Variants in SYTL3 observed in about 807,000 individuals in gnomAD.
The protein encoded by SYTL3 is synaptotagmin-like protein 3.
Under a neutral mutation model 82.1 loss-of-function variants are expected in SYTL3, and 88 were observed. The ratio of observed to expected loss-of-function variants is 1.07; its 90% confidence interval spans 0.90 to 1.28. SYTL3 has a LOEUF of 1.28. Ranked by LOEUF, SYTL3 falls within the 50% of genes most tolerant of loss-of-function variation. The pLI is 0.00. For missense variants in SYTL3, 831 were observed against 757.6 expected, an observed-to-expected ratio of 1.10 and a Z score of -1.14; for synonymous variants, 311 against 289.4, an observed-to-expected ratio of 1.07 and a Z score of -0.76.
intron 5 of SYTL3, among the ~76,000 whole-genome samples, chr6:158,680,217 C>T (rs1255257707): frequency 6.6e-6 from 1 of 152,120 alleles, no homozygotes; most frequent in Non-Finnish European, 1.5e-5. Context: ...CCCATGACTC[C>T]CTCTGGACTT....
chr6:158,671,870 T>C (rs1267257646), intron 5 of SYTL3, among the ~76,000 whole-genome samples: 2 of 152,224 alleles, frequency 1.3e-5, no homozygotes, highest in Non-Finnish European at 2.9e-5. Context: ...TGTTTTCTGA[T>C]TATATTTACA....
rs1291755243 is a variant in SYTL3 at position 158,730,951 on chromosome 6, TA to T, written c.855+5315del. Among the ~76,000 whole-genome samples the T allele has an allele frequency of 2.2e-4, 34 of 152,212 alleles. No homozygotes were observed. In the East Asian group the frequency reaches 5.2e-3, roughly 23 times the overall value. On this transcript the variant is annotated intron_variant, in intron 11 of 17. Coordinates refer to ENST00000611299, the MANE Select transcript of SYTL3 (RefSeq NM_001242394.2). ...TTAAAAAGAGGTGAAAAGTCCCCATTAGGGGGGAGATTAAACATCACACAAA... is the reference window on the plus strand; with the variant it reads ...TTAAAAAGAGGTGAAAAGTCCCCATTGGGGGGAGATTAAACATCACACAAA...
intron 11 of SYTL3, among the ~76,000 whole-genome samples, chr6:158,727,669 G>A (rs1307177993): frequency 7.2e-6 from 1 of 138,962 alleles, no homozygotes; most frequent in East Asian, 2.0e-4. Flanking sequence ...GTTCTCATGT[G>A]CGTGTCTCAT....
intron 9 of SYTL3, among the ~76,000 whole-genome samples, chr6:158,715,474 G>C (rs1392593942): frequency 1.3e-5 from 2 of 152,092 alleles, no homozygotes; most frequent in South Asian, 4.1e-4. Flanking sequence ...TTGAGCACTT[G>C]AGGCTAACCA....
chr6:158,667,954 T>C (rs1790280433), intron 5 of SYTL3, among the ~76,000 whole-genome samples: 1 of 152,118 alleles, frequency 6.6e-6, no homozygotes, highest in African/African-American at 2.4e-5. Flanking sequence ...GCAGGCTGAG[T>C]GGCTCAAGAC....
Position 158,707,277 on chromosome 6 carries a change from C to T in SYTL3, c.442C>T (p.Leu148=), listed in dbSNP as rs1323564764. 1 of 1,613,828 alleles carries T rather than the reference C, an allele frequency of 6.2e-7. No homozygotes were observed. The highest frequency in any genetic ancestry group is 8.5e-7 in the Non-Finnish European group (1 of 1,180,046). ...GGQLLQSYQK[L]SKISVVPPTP... ...GCAGCTCTTGCAATCTTATCAGAAG[C>T]TGAGGTGAGTGTTACAAAGGACAGA... Residue 148 remains leucine (L), a synonymous_variant, in exon 7 of 18, where the codon CTG becomes TTG. Coordinates refer to ENST00000611299, the MANE Select transcript of SYTL3 (RefSeq NM_001242394.2).
intron 6 of SYTL3, among the ~76,000 whole-genome samples, chr6:158,691,432 A>G (rs978847054): frequency 6.6e-6 from 1 of 152,184 alleles, no homozygotes; most frequent in Non-Finnish European, 1.5e-5. Flanking sequence ...TTAGTAAACA[A>G]TTATGATAGA....
rs146391163 is a variant in SYTL3 at position 158,680,106 on chromosome 6, C to T, written c.330-2819C>T. Reference sequence around the variant, plus strand: ...CTTTGGATTTGCTTTCTGTCCCCTCCTCTAAGGATTAGACCTTGTTCTGTT... The same window carrying T: ...CTTTGGATTTGCTTTCTGTCCCCTCTTCTAAGGATTAGACCTTGTTCTGTT... On this transcript the variant is annotated intron_variant, in intron 5 of 17. Coordinates refer to ENST00000611299, the MANE Select transcript of SYTL3 (RefSeq NM_001242394.2). Among the ~76,000 whole-genome samples, 17 of 152,308 alleles carry T rather than the reference C, an allele frequency of 1.1e-4. No homozygotes were observed. The East Asian group carries it at 3.3e-3, about 29-fold the overall frequency.
intron 6 of SYTL3, among the ~76,000 whole-genome samples, chr6:158,702,548 A>G (rs1480730940): frequency 6.6e-6 from 1 of 150,848 alleles, no homozygotes; most frequent in Non-Finnish European, 1.5e-5. Context: ...TCTCAAAAAC[A>G]AGAGGGGGGG....
intron 5 of SYTL3, among the ~76,000 whole-genome samples, chr6:158,679,520 G>A (rs1778419380): frequency 6.6e-6 from 1 of 152,162 alleles, no homozygotes; most frequent in Non-Finnish European, 1.5e-5. Context: ...AGTCTCAAAT[G>A]CAAAAAGTGC....
rs564257354 is a variant in SYTL3 at position 158,683,368 on chromosome 6, G to T, written c.394+379G>T. On this transcript the variant is annotated intron_variant, in intron 6 of 17. Transcript: ENST00000611299. ...CCGGAGTACCTGGGATTACAGGCAC[G>T]TGCCACCACAGTCGGCTAATTTTTC... Among the ~76,000 whole-genome samples the T allele has an allele frequency of 3.3e-5, 5 of 152,162 alleles. 1 individual carries two copies. In the South Asian group the frequency reaches 1.0e-3, roughly 32 times the overall value.
intron 6 of SYTL3, among the ~76,000 whole-genome samples, chr6:158,690,949 G>A (rs1779799256): frequency 6.6e-6 from 1 of 152,088 alleles, no homozygotes; most frequent in African/African-American, 2.4e-5. Context: ...TTTTAATGTG[G>A]TTCCTGGACC....
chr6:158,666,873 C>T (rs745954347), intron 5 of SYTL3, among the ~76,000 whole-genome samples: 1 of 152,222 alleles, frequency 6.6e-6, no homozygotes, highest in African/African-American at 2.4e-5. Flanking sequence ...AACTGCATTC[C>T]GTCCATTTCG....
At chr6:158,720,482 G>A (rs1371257516) in intron 10 of SYTL3, among the ~76,000 whole-genome samples, 5 of 151,082 alleles carry the variant, frequency 3.3e-5, no homozygotes, top group Non-Finnish European at 7.4e-5. Flanking sequence ...GTGAATGAGA[G>A]ATGGAGCCAG....
In SYTL3 at chr6:158,713,887, A is replaced by G. The variant is rs537192149; in HGVS notation, c.595+9A>G. ...TGCTACCCACGTGAAAAGTAAGTGC[A>G]TGCTTCATGATGTGTTTTCCCACTA... On this transcript the variant is annotated intron_variant, in intron 9 of 17. Transcript: ENST00000611299. 6.5e-7 allele frequency: 1 copy of G among 1,543,208 alleles called. No homozygotes were observed. The highest frequency in any genetic ancestry group is 1.2e-5 in the South Asian group (1 of 83,906).
chr6:158,757,714 C>T lies in SYTL3; in HGVS notation c.1308+333C>T, dbSNP rs573399455. Among the ~76,000 whole-genome samples the T allele has an allele frequency of 1.9e-4, 29 of 152,340 alleles. 1 individual carries two copies. The East Asian group carries it at 3.9e-3, about 20-fold the overall frequency. ...CTGCTGGAAGCTGGCCATGCCTTTC[C>T]CTGGGGGCACCGCCCGCAGCTATGC... On this transcript the variant is annotated intron_variant, in intron 14 of 17. Coordinates refer to ENST00000611299, the MANE Select transcript of SYTL3 (RefSeq NM_001242394.2).
intron 9 of SYTL3, among the ~76,000 whole-genome samples, chr6:158,715,599 T>TCTCACACACACACACACACACA (rs1783276356): frequency 4.3e-5 from 5 of 116,442 alleles, no homozygotes; most frequent in Non-Finnish European, 8.8e-5. Flanking sequence ...TGAAACCGCA[T>TCTCACACACACACACACACACA]CACACACACA....
At chr6:158,691,614 A>C (rs1779874436) in intron 6 of SYTL3, among the ~76,000 whole-genome samples, 1 of 152,068 alleles carries the variant, frequency 6.6e-6, no homozygotes, top group South Asian at 2.1e-4. Flanking sequence ...CTTGATGTAC[A>C]AGCTTAAAAG....
chr6:158,739,994 CT>C lies in SYTL3; in HGVS notation c.856-5466del, dbSNP rs35026438. On this transcript the variant is annotated intron_variant, in intron 11 of 17. Transcript: ENST00000611299. ...GTTGCCTTACTTTTTAGGCAACTTA[CT>C]TTTTTTTTTTTTTTTTTTTGAGTTG... 5.3e-4 allele frequency among the ~76,000 whole-genome samples: 56 copies of C among 105,562 alleles called. 1 individual carries two copies. Among genetic ancestry groups the C allele is most frequent in the Admixed American group, 7.4e-4 (7 of 9,452 alleles). The allele number at this position is 105,562 out of a possible 152,430, so 69.3% of individuals were successfully genotyped here.
Sources: allele counts gnomAD v4.1 joint callset (sites outside exome capture counted in the v4.1 genomes callset), GRCh38; gene constraint gnomAD v4.1.1; transcripts MANE v1.5; gene names NCBI Gene and HGNC (gene_info 2026-07-23, HGNC 2026-07-21).